Variants in CLSPN observed in about 807,000 individuals in gnomAD.
The protein encoded by CLSPN is claspin.
CLSPN carries 85 observed loss-of-function variants against 156.3 expected under a neutral mutation model. The ratio of observed to expected loss-of-function variants is 0.54; its 90% CI spans 0.46 to 0.65. The LOEUF is 0.65. CLSPN is among the 30% of genes least tolerant of loss of function. The pLI is 0.00. For missense variants in CLSPN, 1,407 were observed against 1,554.9 expected (o/e 0.90, Z 1.60); for synonymous variants, 534 against 542.4 (o/e 0.98, Z 0.22).
intron 18 of CLSPN, among the ~76,000 whole-genome samples, 189 bp from the exon 19 acceptor site, chr1:35,739,718 C>T (rs989111750): frequency 2.6e-5 from 4 of 152,208 alleles, no homozygotes; most frequent in African/African-American, 7.2e-5. Flanking sequence ...TTTACGATGA[C>T]ATGAATGTGA....
chr1:35,767,330 T>C (rs1450317748), intron 1 of CLSPN, among the ~76,000 whole-genome samples: 1 of 152,230 alleles, frequency 6.6e-6, no homozygotes, highest in Admixed American at 6.5e-5. Context: ...TTGTTAGATA[T>C]GCACACTAAA....
chr1:35,729,140 C>A (rs776014445), downstream of CLSPN, among the ~76,000 whole-genome samples: 2 of 151,916 alleles, frequency 1.3e-5, no homozygotes, highest in African/African-American at 4.9e-5. Context: ...GGCAGTCAGC[C>A]TTTTTCCTTC....
Position 35,738,067 on chromosome 1 carries a change from C to G in CLSPN, c.3589G>C (p.Glu1197Gln). 5 of 1,425,752 alleles carry G rather than the reference C, an allele frequency of 3.5e-6. No homozygotes were observed. The highest frequency in any genetic ancestry group is 3.7e-6 in the Non-Finnish European group (4 of 1,073,450). 88.3% of individuals were successfully genotyped at this position (1,425,752 alleles called of 1,614,324 possible). ...TGACTGTCCTCCCCAATTTCTTCTT[C>G]TTCTTCAGCTGTAATTTTCCCCTGC... is the stretch of plus-strand genomic sequence containing the variant. Reference protein sequence around the residue: ...AQQGKITAEEEEEIGEDSQFM... With the variant: ...AQQGKITAEEQEEIGEDSQFM... The change falls in exon 22 of 25, where the codon GAA (glutamate) becomes CAA (glutamine). Residue 1197 changes from glutamate (E) to glutamine (Q), a missense_variant. Transcript: ENST00000318121.
intron 10 of CLSPN, 75 bp from the exon 11 acceptor site, chr1:35,749,886 A>C: frequency 6.7e-7 from 1 of 1,492,274 alleles, no homozygotes; most frequent in Non-Finnish European, 9.0e-7. Context: ...GGTAGCCTGA[A>C]ATATGGCTGA....
intron 1 of CLSPN, among the ~76,000 whole-genome samples, chr1:35,766,869 C>G (rs1268980383): frequency 6.6e-6 from 1 of 152,024 alleles, no homozygotes; most frequent in African/African-American, 2.4e-5. Context: ...ATTCTCCAGC[C>G]TCAGCCTCCC....
downstream of CLSPN, among the ~76,000 whole-genome samples, chr1:35,727,186 G>T (rs1641209972): frequency 6.6e-6 from 1 of 152,180 alleles, no homozygotes; most frequent in Admixed American, 6.5e-5. Flanking sequence ...TTAATGTGCT[G>T]GATGTTTATT....
chr1:35,757,994 T>C (rs1267967242), intron 8 of CLSPN, among the ~76,000 whole-genome samples: 1 of 151,780 alleles, frequency 6.6e-6, no homozygotes, highest in Non-Finnish European at 1.5e-5. Flanking sequence ...GAATCTTTTT[T>C]GTGTGTGTTT....
chr1:35,727,251 C>T (rs2148607168), downstream of CLSPN, among the ~76,000 whole-genome samples: 1 of 152,252 alleles, frequency 6.6e-6, no homozygotes, highest in Admixed American at 6.5e-5. Context: ...GCAGGAGTGG[C>T]CAGAGGAAGA....
chr1:35,761,951 CA>C (rs1472050659), intron 6 of CLSPN, 46 bp downstream of exon 6: 1 of 1,312,352 alleles, frequency 7.6e-7, no homozygotes, highest in Admixed American at 1.8e-5. Context: ...GTTGAGCTTA[CA>C]AAGAAATGTT....
At position 35,751,475 on chromosome 1, in the gene CLSPN, C is replaced by T. The variant is rs1642085681; in HGVS notation, c.1803G>A (p.Leu601=). ...ACCTTCGGAGTTTCATTGCTTCTTG[C>T]AGTTTAGCTTTTAACACCTGAAGCT... ...GEKLQVLKAK[L]QEAMKLRRFE... Residue 601 remains leucine, a synonymous_variant, in exon 10 of 25, where the codon CTG becomes CTA. Coordinates refer to ENST00000318121, the MANE Select transcript of CLSPN (RefSeq NM_022111.4). 1 of 1,613,854 alleles carries T rather than the reference C, an allele frequency of 6.2e-7. No homozygotes were observed. Among genetic ancestry groups the T allele is most frequent in the Admixed American group, 1.7e-5 (1 of 59,972 alleles).
exon 25 of CLSPN, chr1:35,720,443 T>TA (rs1641047516): frequency 6.7e-5 from 1 of 14,820 alleles, no homozygotes; most frequent in Non-Finnish European, 2.7e-4. Flanking sequence ...AAATCCTCAC[T>TA]TTTTTTTTTT....
At chr1:35,755,136 C>T (rs1642228438) in intron 8 of CLSPN, among the ~76,000 whole-genome samples, 1 of 152,194 alleles carries the variant, frequency 6.6e-6, no homozygotes, top group Admixed American at 6.6e-5. Context: ...CTTTGTCGCC[C>T]AGGCTGGAGT....
intron 8 of CLSPN, among the ~76,000 whole-genome samples, chr1:35,759,829 CTTTT>C (rs530890885): frequency 7.8e-6 from 1 of 128,262 alleles, no homozygotes. Context: ...TATCAACAAC[CTTTT>C]TTTTTTTTTT....
At chr1:35,750,731 T>A (rs1332464709) in intron 10 of CLSPN, among the ~76,000 whole-genome samples, 2 of 152,110 alleles carry the variant, frequency 1.3e-5, no homozygotes, top group Non-Finnish European at 2.9e-5. Flanking sequence ...AATCGTATCA[T>A]CACCTGTTTT....
chr1:35,736,458 A>C lies in CLSPN; in HGVS notation c.*38T>G, dbSNP rs748383467. ...AACTTTCAGTGCTAGAAACTTCTCA[A>C]AGCAGTCTCAATGTAGATTTTGGCA... On this transcript the variant is annotated 3_prime_UTR_variant, in exon 25 of 25. Coordinates refer to ENST00000318121, the MANE Select transcript of CLSPN (RefSeq NM_022111.4). 6.5e-7 allele frequency: 1 copy of C among 1,540,872 alleles called. No individual in the cohort carries two copies. Among genetic ancestry groups the C allele is most frequent in the Non-Finnish European group, 8.7e-7 (1 of 1,144,900 alleles).
intron 16 of CLSPN, among the ~76,000 whole-genome samples, chr1:35,745,235 T>A (rs1410102529): frequency 2.6e-5 from 4 of 152,226 alleles, no homozygotes; most frequent in African/African-American, 7.2e-5. Flanking sequence ...TGGTTTTGAT[T>A]GGCATTTCTC....
At position 35,736,218 on chromosome 1, in the gene CLSPN, T is replaced by TAAA. The variant is rs80209680; in HGVS notation, c.*275_*277dup. On this transcript the variant is annotated 3_prime_UTR_variant, in exon 25 of 25. Coordinates refer to ENST00000318121, the MANE Select transcript of CLSPN (RefSeq NM_022111.4). ...GGGCAACAGAGTGAGACTCCCATCT[T>TAAA]AAAAAAAAAAAAAAAAAGGAAACCT... The TAAA allele has an allele frequency of 6.4e-5, 57 of 895,444 alleles. No homozygotes were observed. The highest frequency in any genetic ancestry group is 1.1e-4 in the East Asian group (1 of 9,302). The allele number at this position is 895,444 out of a possible 1,614,324, so 55.5% of individuals were successfully genotyped here.
rs749006586 is a variant in CLSPN, at chr1:35,745,451, T to C, written c.2966A>G (p.Lys989Arg). The C allele has an allele frequency of 3.7e-6, 6 of 1,606,318 alleles. No individual in the cohort carries two copies. In the Admixed American group the frequency reaches 6.7e-5, roughly 18 times the overall value. The change falls in exon 16 of 25, where the codon AAG (lysine) becomes AGG (arginine). Residue 989 changes from lysine to arginine, a missense_variant and splice_region_variant. Physicochemically the swap from Lys to Arg is conservative, Grantham distance 26 (BLOSUM62 2). Transcript: ENST00000318121. ...AAATTCCCAGCAATCTGAGACTTAC[T>C]TGTCTGTGGGAAAAGAGCCTGAGCA... ...ALCSGSFPTDKEEEDEEEEFG... is the reference protein window; with the variant it reads ...ALCSGSFPTDREEEDEEEEFG...
In CLSPN at chr1:35,734,169, G is replaced by A. The variant is rs999224258; in HGVS notation, c.*2327C>T. On this transcript the variant is annotated 3_prime_UTR_variant, in exon 25 of 25. Transcript: ENST00000318121. The stretch of plus-strand genomic sequence containing the variant: ...TAGACCCAGAGGGTTTCCCTGGGAT[G>A]GAGATAACCTGAAAATGAAATGCTC... 1.0e-6 allele frequency: 1 copy of A among 985,406 alleles called. No individual in the cohort carries two copies. The highest frequency in any genetic ancestry group is 1.2e-6 in the Non-Finnish European group (1 of 829,926). 61.0% of individuals were successfully genotyped at this position (985,406 alleles called of 1,614,324 possible).
Sources: allele counts gnomAD v4.1 joint callset (sites outside exome capture counted in the v4.1 genomes callset), GRCh38; gene constraint gnomAD v4.1.1; transcripts MANE v1.5; gene names NCBI Gene and HGNC (gene_info 2026-07-23, HGNC 2026-07-21).